MLIP: variants seen among roughly 807,000 people sequenced by gnomAD.
MLIP encodes muscular LMNA interacting protein, also known as muscular LMNA-interacting protein.
MLIP carries 79 observed loss-of-function variants against 84.8 expected under a neutral mutation model. That is an observed-to-expected ratio of 0.93 (90% CI 0.78 to 1.12). MLIP has a LOEUF of 1.12. Among genes scored for constraint, MLIP ranks in the 50% most tolerant of loss-of-function variants. The pLI is 0.00. For synonymous variants in MLIP, 504 were observed against 463.0 expected (o/e 1.09, Z -1.14); for missense variants, 1,257 against 1,160.6 (o/e 1.08, Z -1.21).
At chr6:54,108,171 C>T (rs1769158641), upstream of MLIP, among the ~76,000 whole-genome samples, 1 of 152,052 alleles carries the variant, frequency 6.6e-6, no homozygotes, top group Non-Finnish European at 1.5e-5. Flanking sequence ...CTATTGCAAG[C>T]TTTGACAAAC....
intron 13 of MLIP, among the ~76,000 whole-genome samples, chr6:54,261,087 G>A (rs1783353927): frequency 2.0e-5 from 3 of 151,964 alleles, no homozygotes; most frequent in Admixed American, 1.3e-4. Flanking sequence ...ACACCATACA[G>A]GCAGAGCATA....
At chr6:54,031,494 A>G (rs1353155972) in intron 1 of MLIP, 3 of 152,264 alleles carry the variant, frequency 2.0e-5, no homozygotes. Context: ...TGAACTGTCT[A>G]GGATGGGTTT....
Position 54,137,481 on chromosome 6 carries a change from T to C in MLIP, c.1412T>C (p.Leu471Pro). 6.5e-7 allele frequency: 1 copy of C among 1,536,078 alleles called. No individual in the cohort carries two copies. Among genetic ancestry groups the C allele is most frequent in the Middle Eastern group, 1.7e-4 (1 of 5,990 alleles). ...AAAAAATCTCTCTCAAGTTGTTCCCTGAGAGCCGGGTCACCAGATCAAGGG... is the reference window on the plus strand; with the variant it reads ...AAAAAATCTCTCTCAAGTTGTTCCCCGAGAGCCGGGTCACCAGATCAAGGG... ...TPKKSLSSCS[L>P]RAGSPDQGEL... The change falls in exon 4 of 14, where the codon CTG (leucine) becomes CCG (proline). Residue 471 changes from leucine to proline, a missense_variant. Transcript: ENST00000502396.
intron 9 of MLIP, among the ~76,000 whole-genome samples, chr6:54,178,585 C>T (rs188639742): frequency 1.1e-4 from 16 of 152,124 alleles, no homozygotes; most frequent in African/African-American, 3.6e-4. Context: ...TTTGGTATTT[C>T]GCATTTCCAT....
intron 1 of MLIP, among the ~76,000 whole-genome samples, chr6:54,019,869 A>G (rs1158466504): frequency 1.3e-5 from 2 of 152,242 alleles, no homozygotes; most frequent in African/African-American, 4.8e-5. Flanking sequence ...GGACTATTCA[A>G]GATATTAAAA....
intron 4 of MLIP, among the ~76,000 whole-genome samples, chr6:54,145,371 G>A (rs751170690): frequency 7.9e-4 from 120 of 152,222 alleles, no homozygotes; most frequent in Non-Finnish European, 8.5e-4. Context: ...AAAAACAGTG[G>A]ACTCAAAATG....
At chr6:54,249,730 C>CAA (rs1344331042) in intron 12 of MLIP, among the ~76,000 whole-genome samples, 1 of 121,828 alleles carries the variant, frequency 8.2e-6, no homozygotes. Context: ...CACACACACA[C>CAA]ACACATATAT....
At position 54,124,661 on chromosome 6, in the gene MLIP, A is replaced by G. The variant is rs926245307; in HGVS notation, c.441A>G (p.Glu147=). The G allele has an allele frequency of 2.5e-6, 4 of 1,614,078 alleles. No individual in the cohort carries two copies. Among genetic ancestry groups the G allele is most frequent in the African/African-American group, 1.3e-5 (1 of 74,940 alleles). The part of the protein sequence containing the change: ...KAEYVLIVDS[E]GEDEAASRKV... ...AATATGTCCTTATTGTGGACTCCGA[A>G]GGGGAAGATGAGGCTGCAAGCAGAA... Residue 147 remains glutamate, a synonymous_variant, in exon 3 of 14, where the codon GAA becomes GAG. Transcript: ENST00000502396.
chr6:54,121,664 C>A, intron 2 of MLIP, 62 bp downstream of exon 2: 1 of 1,306,062 alleles, frequency 7.7e-7, no homozygotes, highest in Non-Finnish European at 1.0e-6. Context: ...ATAATGATGA[C>A]TTGGAAATTT....
chr6:54,058,464 A>G (rs1411033842), intron 1 of MLIP, among the ~76,000 whole-genome samples: 2 of 152,192 alleles, frequency 1.3e-5, no homozygotes, highest in Non-Finnish European at 2.9e-5. Context: ...GAGAAAGGGT[A>G]GCCTTTATCT....
intron 9 of MLIP, among the ~76,000 whole-genome samples, chr6:54,171,215 AT>A (rs1775740027): frequency 6.6e-6 from 1 of 151,634 alleles, no homozygotes; most frequent in African/African-American, 2.4e-5. Flanking sequence ...CAACTATCAG[AT>A]TTAATTAAAG....
chr6:54,174,199 G>A (rs1409228324), intron 9 of MLIP, among the ~76,000 whole-genome samples: 1 of 152,002 alleles, frequency 6.6e-6, no homozygotes, highest in African/African-American at 2.4e-5. Context: ...TGGCAAACAT[G>A]TGAGTGCAGA....
intron 1 of MLIP, chr6:54,083,698 G>C: frequency 1.4e-6 from 2 of 1,441,620 alleles, no homozygotes; most frequent in Admixed American, 2.0e-5. Context: ...GCTGTGTACT[G>C]TCTTTGTATT....
chr6:54,169,640 C>G, intron 9 of MLIP, 68 bp downstream of exon 9: 1 of 955,716 alleles, frequency 1.0e-6, no homozygotes, highest in Non-Finnish European at 1.5e-6. Context: ...AGAGAGAACA[C>G]TATTATACAG....
chr6:54,246,201 G>T (rs1782068582), intron 12 of MLIP, among the ~76,000 whole-genome samples: 1 of 152,080 alleles, frequency 6.6e-6, no homozygotes, highest in East Asian at 1.9e-4. Context: ...GCCACCATTA[G>T]ACATCAAACA....
chr6:54,091,950 C>G (rs1273434082), intron 1 of MLIP, among the ~76,000 whole-genome samples: 1 of 152,080 alleles, frequency 6.6e-6, no homozygotes, highest in African/African-American at 2.4e-5. Flanking sequence ...CTAAACTAAG[C>G]GTGTGTTTCT....
intron 9 of MLIP, among the ~76,000 whole-genome samples, chr6:54,175,467 G>A (rs377540644): frequency 1.3e-5 from 2 of 151,726 alleles, no homozygotes; most frequent in African/African-American, 2.4e-5. Flanking sequence ...CACTTCTTCG[G>A]TTAAGTGAAT....
intron 12 of MLIP, 58 bp downstream of exon 12, chr6:54,230,975 G>A: frequency 6.7e-7 from 1 of 1,491,202 alleles, no homozygotes; most frequent in Admixed American, 1.8e-5. Flanking sequence ...CATTACGCTT[G>A]ACTTTTAAAA....
chr6:54,224,470 G>T (rs1780438046), intron 11 of MLIP, among the ~76,000 whole-genome samples: 1 of 151,654 alleles, frequency 6.6e-6, no homozygotes, highest in South Asian at 2.1e-4. Context: ...GTCACAAATA[G>T]ATTCCCAGGG....
Sources: gnomAD v4.1 joint callset for allele counts (sites outside exome capture counted in the v4.1 genomes callset) on GRCh38, gnomAD v4.1.1 for gene constraint, MANE v1.5 for transcripts, NCBI Gene and HGNC (gene_info 2026-07-23, HGNC 2026-07-21) for gene names.